The following CLDN16 variants were observed in gnomAD, a reference collection of about 807,000 sequenced individuals.
CLDN16 encodes the protein claudin-16.
CLDN16 carries 13 observed loss-of-function variants against 24.6 expected under a neutral mutation model. The observed-to-expected ratio is 0.53, with a 90% CI of 0.34 to 0.84. The LOEUF (loss-of-function observed/expected upper bound fraction) is 0.84. CLDN16 is among the 40% of genes least tolerant of loss of function. The pLI is 0.01. For missense variants in CLDN16, 298 were observed against 292.7 expected, an observed-to-expected ratio of 1.02 and a Z score of -0.13; for synonymous variants, 116 against 106.7, an observed-to-expected ratio of 1.09 and a Z score of -0.54.
chr3:190,397,323 G>C (rs1172336047), intron 1 of CLDN16, among the ~76,000 whole-genome samples: 4 of 144,690 alleles, frequency 2.8e-5, no homozygotes, highest in Non-Finnish European at 4.6e-5. Context: ...TATATAAGTT[G>C]CATGTTAGAA....
intron 1 of CLDN16, among the ~76,000 whole-genome samples, chr3:190,395,864 A>ACT (rs906916049): frequency 2.2e-4 from 33 of 150,134 alleles, no homozygotes; most frequent in African/African-American, 4.6e-4. Context: ...GTGTATATTT[A>ACT]CTCTCTCTCT....
the CLDN16 span, among the ~76,000 whole-genome samples, chr3:190,303,152 A>G: frequency 6.6e-6 from 1 of 152,220 alleles, no homozygotes; most frequent in African/African-American, 2.4e-5. Flanking sequence ...TTTTAAAACC[A>G]CTGCCCTTGC....
At chr3:190,372,292 G>A (rs1389654322) in intron 2 of CLDN16, among the ~76,000 whole-genome samples, 1 of 151,862 alleles carries the variant, frequency 6.6e-6, no homozygotes, top group Non-Finnish European at 1.5e-5. Context: ...CCCTGAGAGT[G>A]GGGAAATTTA....
intron 1 of CLDN16, among the ~76,000 whole-genome samples, chr3:190,345,625 T>C (rs1340549085): frequency 6.6e-6 from 1 of 152,202 alleles, no homozygotes; most frequent in Non-Finnish European, 1.5e-5. Flanking sequence ...AAAGACTCTT[T>C]GATGAGGAAA....
intron 1 of CLDN16, among the ~76,000 whole-genome samples, chr3:190,336,465 A>C (rs1208589776): frequency 6.6e-6 from 1 of 152,224 alleles, no homozygotes; most frequent in Non-Finnish European, 1.5e-5. Context: ...CTACCATTAA[A>C]AAAGAAGTAA....
the CLDN16 span, among the ~76,000 whole-genome samples, chr3:190,309,251 G>A: frequency 3.3e-5 from 5 of 152,274 alleles, no homozygotes; most frequent in South Asian, 6.2e-4. Flanking sequence ...AATTTATAAA[G>A]TGCTTTCCTG....
the CLDN16 span, among the ~76,000 whole-genome samples, chr3:190,290,982 G>T: frequency 5.9e-4 from 90 of 152,308 alleles, no homozygotes; most frequent in African/African-American, 2.1e-3. Flanking sequence ...GGATGTTAGA[G>T]AGTAATGAGG....
chr3:190,340,765 C>A (rs1391880981), intron 1 of CLDN16, among the ~76,000 whole-genome samples: 2 of 152,192 alleles, frequency 1.3e-5, no homozygotes, highest in African/African-American at 2.4e-5. Context: ...CAAGCCCCTT[C>A]TGTCTATGAG....
At chr3:190,342,244 C>T (rs1717453992) in intron 1 of CLDN16, among the ~76,000 whole-genome samples, 2 of 152,092 alleles carry the variant, frequency 1.3e-5, no homozygotes, top group African/African-American at 4.8e-5. Flanking sequence ...AAGGACATAC[C>T]TGAGACTGGG....
rs200009452 is a variant in CLDN16, at chr3:190,372,474, TC to T, written n.230+1480del. ...GCTGGGAAACATGTTGAGACCCCCT[TC>T]CCCCCCAAAATAAAAATAATTTAGT... On this transcript the variant is annotated intron_variant and non_coding_transcript_variant, in intron 2 of 4. Coordinates refer to the CLDN16 transcript ENST00000468220. Among the ~76,000 whole-genome samples the T allele has an allele frequency of 2.0e-5, 3 of 150,988 alleles. No homozygotes were observed. In the South Asian group the frequency reaches 6.3e-4, roughly 32 times the overall value.
At chr3:190,342,489 T>A (rs1717460641) in intron 1 of CLDN16, among the ~76,000 whole-genome samples, 1 of 152,164 alleles carries the variant, frequency 6.6e-6, no homozygotes, top group South Asian at 2.1e-4. Flanking sequence ...ATTGAAATTC[T>A]TAGGAATAAA....
At chr3:190,347,521 TAA>T (rs1717576737) in intron 1 of CLDN16, among the ~76,000 whole-genome samples, 1 of 152,204 alleles carries the variant, frequency 6.6e-6, no homozygotes, top group Non-Finnish European at 1.5e-5. Context: ...TCATCATTAC[TAA>T]ATACTTATGA....
chr3:190,313,980 A>G, the CLDN16 span, among the ~76,000 whole-genome samples: 1 of 152,196 alleles, frequency 6.6e-6, no homozygotes, highest in Non-Finnish European at 1.5e-5. Flanking sequence ...TTCTAGATTT[A>G]TGTCCTCCTT....
In CLDN16 at chr3:190,343,609, ATAT is replaced by A. The variant is rs1356759866; in HGVS notation, n.121+20953_121+20955del. Reference sequence around the variant, plus strand: ...ATCTATAGTGTATATATACAAAGAAATATTATTCAGCCTTAAGTACAAAGAGAT... The same window carrying A: ...ATCTATAGTGTATATATACAAAGAAATATTCAGCCTTAAGTACAAAGAGAT... On this transcript the variant is annotated intron_variant and non_coding_transcript_variant, in intron 1 of 4. Coordinates refer to the CLDN16 transcript ENST00000468220. Among the ~76,000 whole-genome samples, 19 of 152,242 alleles carry A rather than the reference ATAT, an allele frequency of 1.2e-4. 1 individual carries two copies. Among genetic ancestry groups the A allele is most frequent in the African/African-American group, 4.6e-4 (19 of 41,552 alleles).
intron 1 of CLDN16, among the ~76,000 whole-genome samples, chr3:190,335,016 C>T (rs1336188017): frequency 8.3e-6 from 1 of 120,934 alleles, no homozygotes; most frequent in Non-Finnish European, 1.6e-5. Flanking sequence ...CTTTCCTTTT[C>T]TTTTTTCTTT....
the CLDN16 span, among the ~76,000 whole-genome samples, chr3:190,295,956 T>C: frequency 6.6e-6 from 1 of 152,300 alleles, no homozygotes; most frequent in Non-Finnish European, 1.5e-5. Flanking sequence ...TTCATTTGAT[T>C]TTTTATTGGC....
At chr3:190,400,147 T>A (rs1162453866) in intron 1 of CLDN16, among the ~76,000 whole-genome samples, 1 of 152,154 alleles carries the variant, frequency 6.6e-6, no homozygotes, top group Non-Finnish European at 1.5e-5. Flanking sequence ...CTAGCTGCAA[T>A]TTTGTATCTC....
In CLDN16 at chr3:190,334,758, T is replaced by C. The variant is rs573278615; in HGVS notation, n.121+12097T>C. On this transcript the variant is annotated intron_variant and non_coding_transcript_variant, in intron 1 of 4. Transcript: ENST00000468220. ...ATTGGTTACTAGCAAATTGCATTGT[T>C]AGCAGCAATGAGGAAAGCCCTTGGC... Among the ~76,000 whole-genome samples the C allele has an allele frequency of 5.3e-5, 8 of 152,296 alleles. No homozygotes were observed. In the East Asian group the frequency reaches 1.5e-3, roughly 29 times the overall value.
intron 1 of CLDN16, among the ~76,000 whole-genome samples, chr3:190,353,998 C>G (rs1402664513): frequency 6.6e-6 from 1 of 152,030 alleles, no homozygotes; most frequent in East Asian, 1.9e-4. Context: ...TCTAGAGGGT[C>G]TAAGGAATCC....
Sources: gnomAD v4.1 joint callset for allele counts (sites outside exome capture counted in the v4.1 genomes callset) on GRCh38, gnomAD v4.1.1 for gene constraint, MANE v1.5 for transcripts, NCBI Gene and HGNC (gene_info 2026-07-23, HGNC 2026-07-21) for gene names.